The following TICRR variants were observed in gnomAD, a reference collection of about 807,000 sequenced individuals.
The protein encoded by TICRR is TOPBP1 interacting checkpoint and replication regulator.
A neutral mutation model predicts 178.1 loss-of-function variants in TICRR; 132 were observed. The observed-to-expected ratio is 0.74, with a 90% confidence interval of 0.64 to 0.86. TICRR has a LOEUF of 0.86. TICRR is among the 40% of genes least tolerant of loss of function. The pLI is 0.00. For missense variants in TICRR, 2,587 were observed against 2,334.3 expected (o/e 1.11, Z -2.23); for synonymous variants, 991 against 900.7 (o/e 1.10, Z -1.79).
chr15:89,623,887 C>T lies in TICRR; in HGVS notation c.3577C>T (p.Pro1193Ser). 1 of 1,614,012 alleles carries T rather than the reference C, an allele frequency of 6.2e-7. No individual in the cohort carries two copies. Among genetic ancestry groups the T allele is most frequent in the Middle Eastern group, 1.6e-4 (1 of 6,062 alleles). ...GEGTSLETKT[P>S]RTPKRQGTQP... The stretch of plus-strand genomic sequence containing the variant: ...AGGTACCTCTCTTGAAACGAAGACA[C>T]CAAGAACTCCTAAGAGGCAAGGTAC... The change falls in exon 20 of 22, where the codon CCA becomes TCA. Residue 1193 changes from proline to serine, a missense_variant. By Grantham distance (74) the Pro-to-Ser change is moderately conservative (BLOSUM62 -1). Coordinates refer to ENST00000268138, the MANE Select transcript of TICRR (RefSeq NM_152259.4).
rs76960005 is a variant in TICRR, at chr15:89,592,997, A to G, written c.1541+821A>G. The stretch of plus-strand genomic sequence containing the variant: ...CACATTATCTTCAATATTGCATTAT[A>G]GCAATACCATATACTGTAGCTTTAT... On this transcript the variant is annotated intron_variant, in intron 5 of 21. Transcript: ENST00000268138. Among the ~76,000 whole-genome samples, 124 of 152,388 alleles carry G rather than the reference A, an allele frequency of 8.1e-4. No individual in the cohort carries two copies. In the East Asian group the frequency reaches 0.014, roughly 17 times the overall value.
chr15:89,625,065 G>T lies in TICRR; in HGVS notation c.4755G>T (p.Glu1585Asp). ...IKKIDPSSSLEAEPLSKEESS... is the reference protein window; with the variant it reads ...IKKIDPSSSLDAEPLSKEESS... ...AGATAGACCCCAGCTCTTCATTAGA[G>T]GCTGAGCCCCTCAGCAAGGAGGAGA... The change falls in exon 20 of 22, where the codon GAG becomes GAT. Residue 1585 changes from glutamate to aspartate, a missense_variant. Coordinates refer to ENST00000268138, the MANE Select transcript of TICRR (RefSeq NM_152259.4). The T allele has an allele frequency of 1.2e-6, 2 of 1,613,946 alleles. No homozygotes were observed. Among genetic ancestry groups the T allele is most frequent in the Non-Finnish European group, 8.5e-7 (1 of 1,179,998 alleles).
Position 89,627,019 on chromosome 15 carries a change from G to A in TICRR, c.5666G>A (p.Arg1889Lys). 6.2e-7 allele frequency: 1 copy of A among 1,614,124 alleles called. No individual in the cohort carries two copies. The highest frequency in any genetic ancestry group is 1.1e-5 in the South Asian group (1 of 91,072). Residue 1889 changes from arginine to lysine, a missense_variant, in exon 22 of 22, where the codon AGG becomes AAG. By Grantham distance (26) the Arg-to-Lys change is conservative (BLOSUM62 2). Coordinates refer to ENST00000268138, the MANE Select transcript of TICRR (RefSeq NM_152259.4). ...EDSPFSRAFSRRRPISRTYTR... is the reference protein window; with the variant it reads ...EDSPFSRAFSKRRPISRTYTR... Reference sequence around the variant, plus strand: ...TCTCCTTTCAGTCGCGCTTTCTCCAGGAGGCGCCCCATCAGCAGAACTTAT... The same window carrying A: ...TCTCCTTTCAGTCGCGCTTTCTCCAAGAGGCGCCCCATCAGCAGAACTTAT...
intron 2 of TICRR, among the ~76,000 whole-genome samples, 164 bp downstream of exon 2, chr15:89,583,129 A>C (rs772488200): frequency 1.3e-5 from 2 of 151,918 alleles, no homozygotes; most frequent in Non-Finnish European, 2.9e-5. Flanking sequence ...GAGATACTGT[A>C]GGAAAGAGTT....
In TICRR at chr15:89,601,736, G is replaced by C; in HGVS notation, c.2328-1G>C. ...CCGTATTCGATCAATCTGTTCCACA[G>C]GTATATTGACTCTATCCCAAAGACA... On this transcript the variant is annotated splice_acceptor_variant, in intron 11 of 21. Transcript: ENST00000268138. LOFTEE classifies it high-confidence loss of function. 1 of 1,614,126 alleles carries C rather than the reference G, an allele frequency of 6.2e-7. No individual in the cohort carries two copies. The highest frequency in any genetic ancestry group is 8.5e-7 in the Non-Finnish European group (1 of 1,180,018).
At chr15:89,591,810 A>G (rs1962917720) in intron 4 of TICRR, 1 of 360,358 alleles carries the variant, frequency 2.8e-6, no homozygotes, top group Non-Finnish European at 5.0e-6. Context: ...GAGAGGATTT[A>G]TAGCCAGTAA....
intron 4 of TICRR, among the ~76,000 whole-genome samples, chr15:89,588,735 G>A (rs1962862215): frequency 6.6e-6 from 1 of 152,148 alleles, no homozygotes; most frequent in Admixed American, 6.5e-5. Flanking sequence ...AGCATCAAAT[G>A]TGTGTATGGA....
intron 4 of TICRR, 82 bp downstream of exon 4, chr15:89,586,024 T>C: frequency 2.1e-6 from 2 of 938,200 alleles, no homozygotes; most frequent in Non-Finnish European, 3.4e-6. Flanking sequence ...ACTGTGCAGT[T>C]AGTAGAACCC....
chr15:89,614,155 AAAATAAAT>A (rs907507106), intron 15 of TICRR, among the ~76,000 whole-genome samples: 3 of 151,970 alleles, frequency 2.0e-5, no homozygotes, highest in African/African-American at 4.8e-5. Context: ...CTCTGTCTCA[AAAATAAAT>A]AAATAAATAA....
At chr15:89,616,526 T>C (rs752034367) in intron 16 of TICRR, 31 bp downstream of exon 16, 30 of 1,585,316 alleles carry the variant, frequency 1.9e-5, no homozygotes, top group Admixed American at 3.4e-5. Flanking sequence ...GGCTTCTTCA[T>C]ACACCCACAC....
At chr15:89,601,616 C>T (rs1963099016) in intron 11 of TICRR, 48 bp downstream of exon 11, 8 of 1,610,800 alleles carry the variant, frequency 5.0e-6, no homozygotes, top group Non-Finnish European at 5.9e-6. Context: ...TTTGTCAAAA[C>T]CTATGTATGG....
chr15:89,604,878 C>T (rs1963152088), intron 13 of TICRR, among the ~76,000 whole-genome samples: 1 of 151,484 alleles, frequency 6.6e-6, no homozygotes, highest in Admixed American at 6.6e-5. Context: ...ACTGAAAGGA[C>T]CAGATGTTAC....
chr15:89,576,821 GTATATATA>G (rs369518649), intron 1 of TICRR, among the ~76,000 whole-genome samples: 1,393 of 92,394 alleles, frequency 0.015, 24 homozygotes, highest in South Asian at 0.026. Flanking sequence ...ATGTGTGTGT[GTATATATA>G]TATATATATA....
Position 89,624,495 on chromosome 15 carries a change from C to G in TICRR, c.4185C>G (p.Ile1395Met), listed in dbSNP as rs555982043. 7 of 1,614,120 alleles carry G rather than the reference C, an allele frequency of 4.3e-6. No homozygotes were observed. In the African/African-American group the frequency reaches 9.3e-5, roughly 22 times the overall value. Residue 1395 changes from isoleucine (I) to methionine (M), a missense_variant, in exon 20 of 22, where the codon ATC becomes ATG. Ile to Met is a conservative substitution (Grantham distance 10). Transcript: ENST00000268138. The part of the protein sequence containing the change: ...CRKTSDPRRS[I>M]VECQPDASAT... ...AGACCTCTGATCCCAGAAGGAGCAT[C>G]GTGGAGTGTCAGCCTGATGCCTCCG...
At chr15:89,617,429 T>C (rs1963352851) in intron 16 of TICRR, among the ~76,000 whole-genome samples, 1 of 152,216 alleles carries the variant, frequency 6.6e-6, no homozygotes, top group Non-Finnish European at 1.5e-5. Flanking sequence ...TCTGATAGTT[T>C]GGTATAATTT....
rs760710310 is a variant in TICRR at position 89,599,311 on chromosome 15, AT to A, written c.1901-6del. ...AGATATGATTAATCCATTTTATTTT[AT>A]TTTTTTCTCAGATTTTAAAACTGAG... On this transcript the variant is annotated splice_polypyrimidine_tract_variant and intron_variant, in intron 7 of 21. Transcript: ENST00000268138. The A allele has an allele frequency of 1.9e-6, 3 of 1,588,894 alleles. No homozygotes were observed. The highest frequency in any genetic ancestry group is 2.2e-5 in the East Asian group (1 of 44,616).
At chr15:89,619,896 G>A (rs959739109) in intron 18 of TICRR, 54 bp downstream of exon 18, 1 of 1,545,006 alleles carries the variant, frequency 6.5e-7, no homozygotes, top group African/African-American at 1.4e-5. Flanking sequence ...GGTGAGAAGT[G>A]TTTTTGGGAA....
At chr15:89,611,543 A>G (rs1439597064) in intron 15 of TICRR, among the ~76,000 whole-genome samples, 1 of 152,118 alleles carries the variant, frequency 6.6e-6, no homozygotes, top group African/African-American at 2.4e-5. Flanking sequence ...GGAAGGTTTT[A>G]ACCATTATTT....
In TICRR at chr15:89,585,990, C is replaced by T. The variant is rs111488829; in HGVS notation, c.1411+48C>T. The T allele has an allele frequency of 1.5e-5, 23 of 1,490,160 alleles. No homozygotes were observed. The South Asian group carries it at 2.4e-4, about 16-fold the overall frequency. 92.3% of individuals were successfully genotyped at this position (1,490,160 alleles called of 1,614,324 possible). A position where few individuals can be genotyped will look rare whatever the true frequency, so the allele number is the denominator to read the frequency against. On this transcript the variant is annotated intron_variant, in intron 4 of 21. Transcript: ENST00000268138. ...AACAGAGTCTAGGGTGGTTTGCAGT[C>T]TTTTCAAGCATCGGGACTTTTTCAC... is the stretch of plus-strand genomic sequence containing the variant.
Sources: gnomAD v4.1 joint callset for allele counts (sites outside exome capture counted in the v4.1 genomes callset) on GRCh38, gnomAD v4.1.1 for gene constraint, MANE v1.5 for transcripts, NCBI Gene and HGNC (gene_info 2026-07-23, HGNC 2026-07-21) for gene names.